Variants in HDHD3 observed in about 807,000 individuals in gnomAD.
HDHD3 encodes the protein haloacid dehalogenase-like hydrolase domain-containing protein 3.
Under a neutral mutation model 6.9 loss-of-function variants are expected in HDHD3, and 6 were observed. The ratio of observed to expected loss-of-function variants is 0.87; its 90% CI spans 0.48 to 1.72. HDHD3 has a LOEUF of 1.72. Among genes scored for constraint, HDHD3 ranks in the 40% most tolerant of loss-of-function variants. The probability of loss-of-function intolerance (pLI) is 0.01; values close to 1 mark genes in which losing one functional copy is unlikely to be tolerated. For synonymous variants in HDHD3, 139 were observed against 140.7 expected (o/e 0.99, Z 0.08); for missense variants, 308 against 327.4 (o/e 0.94, Z 0.46).
Position 113,373,923 on chromosome 9 carries a change from G to T in HDHD3, c.432C>A (p.Ile144=), listed in dbSNP as rs142394276. ...GTTCACGCAGGCCAAGGCCCCCCAG[G>T]ATGCCCTCTAGCCGTCGGTCAAAGT... is the stretch of plus-strand genomic sequence containing the variant. ...ISNFDRRLEG[I]LGGLGLREHF... The change falls in exon 3 of 3, where the codon ATC becomes ATA. Residue 144 remains isoleucine, a synonymous_variant. Coordinates refer to ENST00000374180, the MANE Select transcript of HDHD3 (RefSeq NM_001304509.2). 7.2e-5 allele frequency: 117 copies of T among 1,614,242 alleles called. 2 individuals carry two copies. In the Middle Eastern group the frequency reaches 1.5e-3, roughly 20 times the overall value.
intron 2 of HDHD3, among the ~76,000 whole-genome samples, chr9:113,374,753 G>T (rs967017184): frequency 3.9e-5 from 6 of 152,192 alleles, no homozygotes; most frequent in Non-Finnish European, 8.8e-5. Flanking sequence ...ATTAGGCAAA[G>T]AACTATACAA....
intron 2 of HDHD3, among the ~76,000 whole-genome samples, chr9:113,375,081 C>T (rs1418824506): frequency 6.6e-6 from 1 of 152,108 alleles, no homozygotes; most frequent in African/African-American, 2.4e-5. Flanking sequence ...GTGGGTCTCA[C>T]TATGTTGCCC....
In HDHD3 at chr9:113,374,200, G is replaced by A; in HGVS notation, c.155C>T (p.Ala52Val). 2 of 1,606,876 alleles carry A rather than the reference G, an allele frequency of 1.2e-6. No homozygotes were observed. The highest frequency in any genetic ancestry group is 1.7e-6 in the Non-Finnish European group (2 of 1,175,160). The change falls in exon 3 of 3, where the codon GCA becomes GTA. Residue 52 changes from alanine to valine, a missense_variant. Ala to Val is a moderately conservative substitution (Grantham distance 64). Transcript: ENST00000374180. Reference sequence around the variant, plus strand: ...GAAGCTGTGGCTCTGAGCCCTGTATGCCTGCCTGAAGCCTTGTTCCAGGGC... The same window carrying A: ...GAAGCTGTGGCTCTGAGCCCTGTATACCTGCCTGAAGCCTTGTTCCAGGGC... ...PSALEQGFRQAYRAQSHSFPN... is the reference protein window; with the variant it reads ...PSALEQGFRQVYRAQSHSFPN...
At position 113,374,115 on chromosome 9, in the gene HDHD3, C is replaced by T; in HGVS notation, c.240G>A (p.Leu80=). 3 of 1,603,140 alleles carry T rather than the reference C, an allele frequency of 1.9e-6. No individual in the cohort carries two copies. Among genetic ancestry groups the T allele is most frequent in the Non-Finnish European group, 2.6e-6 (3 of 1,171,298 alleles). The change falls in exon 3 of 3, where the codon CTG becomes CTA. Residue 80 remains leucine, a synonymous_variant. Transcript: ENST00000374180. ...GGACACCCGCCAGGTGGAAGGTCTG[C>T]AGGACCACATCCAGCCACCACTGGC... The part of the protein sequence containing the change: ...TSRQWWLDVV[L]QTFHLAGVQD...
In HDHD3 at chr9:113,374,246, C is replaced by G; in HGVS notation, c.109G>C (p.Gly37Arg). The G allele has an allele frequency of 6.2e-7, 1 of 1,604,940 alleles. No homozygotes were observed. Among genetic ancestry groups the G allele is most frequent in the South Asian group, 1.1e-5 (1 of 90,210 alleles). The change falls in exon 3 of 3, where the codon GGG becomes CGG. Residue 37 changes from glycine (G) to arginine (R), a missense_variant. Physicochemically the swap from Gly to Arg is moderately radical, Grantham distance 125. Coordinates refer to ENST00000374180, the MANE Select transcript of HDHD3 (RefSeq NM_001304509.2). ...AGGGCTGAGGGCTCCACCTCCAGCC[C>G]ATGGGCCCGGGCCTTGGTGGCATAG... is the stretch of plus-strand genomic sequence containing the variant. ...EAYATKARAH[G>R]LEVEPSALEQ...
Position 113,373,774 on chromosome 9 carries a change from T to C in HDHD3, c.581A>G (p.Tyr194Cys). 2.5e-6 allele frequency: 4 copies of C among 1,612,286 alleles called. No homozygotes were observed. The highest frequency in any genetic ancestry group is 3.4e-6 in the Non-Finnish European group (4 of 1,178,730). The change falls in exon 3 of 3, where the codon TAC becomes TGC. Residue 194 changes from tyrosine to cysteine, a missense_variant. Tyr to Cys is a radical substitution (Grantham distance 194, BLOSUM62 -2). Coordinates refer to ENST00000374180, the MANE Select transcript of HDHD3 (RefSeq NM_001304509.2). The part of the protein sequence containing the change: ...PVVAAHVGDN[Y>C]LCDYQGPRAV... The stretch of plus-strand genomic sequence containing the variant: ...CCGAGGCCCCTGGTAATCGCAGAGG[T>C]AATTATCCCCAACATGGGCTGCCAC...
At position 113,373,956 on chromosome 9, in the gene HDHD3, C is replaced by A; in HGVS notation, c.399G>T (p.Val133=). ...ECRTRGLRLA[V]ISNFDRRLEG... is the part of the protein sequence containing the mutation. Reference sequence around the variant, plus strand: ...CTAGCCGTCGGTCAAAGTTGGAGATCACTGCCAGTCTCAGACCCCGTGTGC... The same window carrying A: ...CTAGCCGTCGGTCAAAGTTGGAGATAACTGCCAGTCTCAGACCCCGTGTGC... The change falls in exon 3 of 3, where the codon GTG becomes GTT. Residue 133 remains valine (V), a synonymous_variant. Transcript: ENST00000374180. 4 of 1,614,264 alleles carry A rather than the reference C, an allele frequency of 2.5e-6. No homozygotes were observed. The highest frequency in any genetic ancestry group is 3.4e-6 in the Non-Finnish European group (4 of 1,180,054).
chr9:113,374,112 C>A lies in HDHD3; in HGVS notation c.243G>T (p.Gln81His), dbSNP rs773225400. 6.2e-7 allele frequency: 1 copy of A among 1,603,466 alleles called. No individual in the cohort carries two copies. The highest frequency in any genetic ancestry group is 1.1e-5 in the South Asian group (1 of 90,758). The change falls in exon 3 of 3, where the codon CAG becomes CAT. Residue 81 changes from glutamine to histidine, a missense_variant. Physicochemically the swap from Gln to His is conservative, Grantham distance 24. Transcript: ENST00000374180. ...SRQWWLDVVL[Q>H]TFHLAGVQDA... ...CCTGGACACCCGCCAGGTGGAAGGT[C>A]TGCAGGACCACATCCAGCCACCACT...
At chr9:113,376,481 G>A (rs540821005) in intron 1 of HDHD3, among the ~76,000 whole-genome samples, 1 of 135,498 alleles carries the variant, frequency 7.4e-6, no homozygotes, top group Admixed American at 7.2e-5. Context: ...CAGAGTAGCT[G>A]GGACTACAGG....
Position 113,373,573 on chromosome 9 carries a change from G to A in HDHD3, c.*26C>T, listed in dbSNP as rs765686800. 4.6e-6 allele frequency: 7 copies of A among 1,531,316 alleles called. No homozygotes were observed. In the African/African-American group the frequency reaches 5.5e-5, roughly 12 times the overall value. The allele number at this position is 1,531,316 out of a possible 1,614,324, so 94.9% of individuals were successfully genotyped here. ...TGTTTAAGGTTTTCTCCATGGCCTA[G>A]GGCCCAGCCACTTCCCTCACTGGCC... On this transcript the variant is annotated 3_prime_UTR_variant, in exon 3 of 3. Transcript: ENST00000374180.
intron 1 of HDHD3, among the ~76,000 whole-genome samples, chr9:113,376,417 G>A (rs1397927482): frequency 7.2e-6 from 1 of 139,696 alleles, no homozygotes; most frequent in Non-Finnish European, 1.5e-5. Context: ...GTGCGATCTC[G>A]GCTCACTGCA....
At position 113,373,593 on chromosome 9, in the gene HDHD3, C is replaced by T. The variant is rs750865145; in HGVS notation, c.*6G>A. 3.9e-6 allele frequency: 6 copies of T among 1,546,766 alleles called. No individual in the cohort carries two copies. Among genetic ancestry groups the T allele is most frequent in the Non-Finnish European group, 5.2e-6 (6 of 1,147,366 alleles). On this transcript the variant is annotated 3_prime_UTR_variant, in exon 3 of 3. Coordinates refer to ENST00000374180, the MANE Select transcript of HDHD3 (RefSeq NM_001304509.2). ...GCCTAGGGCCCAGCCACTTCCCTCA[C>T]TGGCCTCAAAGCCCTGGAGTTGAGC...
chr9:113,376,595 C>CCA (rs1564357660), intron 1 of HDHD3, 134 bp downstream of exon 1: 16 of 146,622 alleles, frequency 1.1e-4, no homozygotes, highest in African/African-American at 3.1e-4. Flanking sequence ...GATCCTCCCC[C>CCA]GCCCCACCCC....
rs902349145 is a variant in HDHD3, at chr9:113,373,943, C to G, written c.412G>C (p.Asp138His). Reference protein sequence around the residue: ...GLRLAVISNFDRRLEGILGGL... With the variant: ...GLRLAVISNFHRRLEGILGGL... Reference sequence around the variant, plus strand: ...CCCAGGATGCCCTCTAGCCGTCGGTCAAAGTTGGAGATCACTGCCAGTCTC... The same window carrying G: ...CCCAGGATGCCCTCTAGCCGTCGGTGAAAGTTGGAGATCACTGCCAGTCTC... Residue 138 changes from aspartate (D) to histidine (H), a missense_variant, in exon 3 of 3, where the codon GAC becomes CAC. Transcript: ENST00000374180. 8 of 1,614,100 alleles carry G rather than the reference C, an allele frequency of 5.0e-6. No homozygotes were observed. Among genetic ancestry groups the G allele is most frequent in the Admixed American group, 3.3e-5 (2 of 60,012 alleles).
At chr9:113,376,567 T>C (rs999080968) in intron 1 of HDHD3, among the ~76,000 whole-genome samples, 162 bp downstream of exon 1, 5 of 148,628 alleles carry the variant, frequency 3.4e-5, no homozygotes, top group Admixed American at 2.7e-4. Context: ...CAGGCTGGTC[T>C]CGAACTCCCG....
chr9:113,373,453 A>C lies in HDHD3; in HGVS notation c.*146T>G. On this transcript the variant is annotated 3_prime_UTR_variant, in exon 3 of 3. Coordinates refer to ENST00000374180, the MANE Select transcript of HDHD3 (RefSeq NM_001304509.2). ...GGGGAAGGGTGAGAGCTCAGCACTC[A>C]CTGCTTTATTATCACAGTAGGTGAC... The C allele has an allele frequency of 3.6e-6, 3 of 836,550 alleles. No individual in the cohort carries two copies. The South Asian group carries it at 6.0e-5, about 17-fold the overall frequency. The allele number at this position is 836,550 out of a possible 1,614,324, so 51.8% of individuals were successfully genotyped here. A position where few individuals can be genotyped will look rare whatever the true frequency, so the allele number is the denominator to read the frequency against.
intron 2 of HDHD3, 56 bp from the exon 3 acceptor site, chr9:113,374,585 T>G (rs1834418113): frequency 2.4e-6 from 1 of 410,026 alleles, no homozygotes; most frequent in Non-Finnish European, 4.3e-6. Context: ...TCAGACAGAC[T>G]GGGTTCAAAT....
rs1257581459 is a variant in HDHD3 at position 113,374,218 on chromosome 9, TC to T, written c.136del (p.Glu46AsnfsTer20). On this transcript the variant is annotated frameshift_variant, in exon 3 of 3. Transcript: ENST00000374180. LOFTEE classifies it high-confidence loss of function. Reference sequence around the variant, plus strand: ...CCTGTATGCCTGCCTGAAGCCTTGTTCCAGGGCTGAGGGCTCCACCTCCAGC... The same window carrying T: ...CCTGTATGCCTGCCTGAAGCCTTGTTCAGGGCTGAGGGCTCCACCTCCAGC... Reference protein sequence around the residue: ...HGLEVEPSALEQGFRQAYRAQ... With the variant: ...HGLEVEPSALXQGFRQAYRAQ... 1.1e-5 allele frequency: 18 copies of T among 1,607,532 alleles called. No homozygotes were observed. In the East Asian group the frequency reaches 4.0e-4, roughly 36 times the overall value.
chr9:113,373,436 G>T lies in HDHD3; in HGVS notation c.*163C>A. ...CTAGGAGCTGGTTAGTGGGGGAAGG[G>T]TGAGAGCTCAGCACTCACTGCTTTA... On this transcript the variant is annotated 3_prime_UTR_variant, in exon 3 of 3. Coordinates refer to ENST00000374180, the MANE Select transcript of HDHD3 (RefSeq NM_001304509.2). 1.5e-6 allele frequency: 1 copy of T among 671,464 alleles called. No homozygotes were observed. The highest frequency in any genetic ancestry group is 2.4e-6 in the Non-Finnish European group (1 of 420,168). The allele number at this position is 671,464 out of a possible 1,614,324, so 41.6% of individuals were successfully genotyped here.
Sources: allele counts gnomAD v4.1 joint callset (sites outside exome capture counted in the v4.1 genomes callset), GRCh38; gene constraint gnomAD v4.1.1; transcripts MANE v1.5; gene names NCBI Gene and HGNC (gene_info 2026-07-23, HGNC 2026-07-21).